SEMA3A: variants seen among roughly 807,000 people sequenced by gnomAD.
SEMA3A encodes semaphorin-3A.
In SEMA3A, 29 loss-of-function variants were observed where a neutral mutation model predicts 97.9. The ratio of observed to expected loss-of-function variants is 0.30; its 90% CI spans 0.22 to 0.40. SEMA3A has a LOEUF of 0.40. Among genes scored for constraint, SEMA3A ranks in the 10% least tolerant of loss-of-function variants. The pLI, the probability that SEMA3A is intolerant of heterozygous loss-of-function variation, is 1.00. For missense variants in SEMA3A, 763 were observed against 951.3 expected, an observed-to-expected ratio of 0.80 and a Z score of 2.60; for synonymous variants, 321 against 323.7, an observed-to-expected ratio of 0.99 and a Z score of 0.09.
At position 83,986,633 on chromosome 7, in the gene SEMA3A, G is replaced by T. The variant is rs544141994; in HGVS notation, c.1453-1156C>A. Among the ~76,000 whole-genome samples the T allele has an allele frequency of 7.9e-5, 12 of 152,196 alleles. 1 individual carries two copies. The highest frequency in any genetic ancestry group is 1.5e-4 in the Non-Finnish European group (10 of 67,988). On this transcript the variant is annotated intron_variant, in intron 12 of 16. Coordinates refer to ENST00000265362, the MANE Select transcript of SEMA3A (RefSeq NM_006080.3). Reference sequence around the variant, plus strand: ...ACAGAGACTGCTTGTGGGTTTCTGAGGGGTCTGATAAGAAAGAGGCTTAGG... The same window carrying T: ...ACAGAGACTGCTTGTGGGTTTCTGATGGGTCTGATAAGAAAGAGGCTTAGG...
chr7:84,451,897 A>G (rs1343136612), intron 1 of SEMA3A, among the ~76,000 whole-genome samples: 2 of 152,208 alleles, frequency 1.3e-5, no homozygotes, highest in African/African-American at 4.8e-5. Flanking sequence ...TCTGTAGTCT[A>G]CATAACCTTT....
intron 1 of SEMA3A, among the ~76,000 whole-genome samples, chr7:84,479,308 A>G (rs1806383279): frequency 6.6e-6 from 1 of 152,198 alleles, no homozygotes; most frequent in African/African-American, 2.4e-5. Flanking sequence ...AAAAGTCTTT[A>G]TGTCTATCAA....
intron 5 of SEMA3A, among the ~76,000 whole-genome samples, chr7:84,054,461 C>G (rs1792852880): frequency 6.6e-6 from 1 of 151,986 alleles, no homozygotes; most frequent in Non-Finnish European, 1.5e-5. Context: ...ATTTCATCTT[C>G]CATCGCTGAT....
intron 4 of SEMA3A, among the ~76,000 whole-genome samples, chr7:84,088,476 T>C (rs1794456616): frequency 6.6e-6 from 1 of 152,038 alleles, no homozygotes; most frequent in Non-Finnish European, 1.5e-5. Context: ...GAAAGTATGC[T>C]TGACAACTAT....
At chr7:84,426,856 G>A (rs1440176843) in intron 1 of SEMA3A, among the ~76,000 whole-genome samples, 4 of 152,018 alleles carry the variant, frequency 2.6e-5, no homozygotes, top group Non-Finnish European at 5.9e-5. Context: ...TCCTTTGGAA[G>A]GTGATAACTT....
intron 4 of SEMA3A, among the ~76,000 whole-genome samples, chr7:84,081,326 C>T (rs1033792853): frequency 2.6e-5 from 4 of 152,076 alleles, no homozygotes; most frequent in Non-Finnish European, 5.9e-5. Context: ...GGCGCGGTGG[C>T]TCATGCCTGT....
intron 1 of SEMA3A, among the ~76,000 whole-genome samples, chr7:84,404,582 C>A (rs190697262): frequency 0.026 from 3,973 of 152,068 alleles, 156 homozygotes; most frequent in African/African-American, 0.089. Flanking sequence ...AACTCCAAGA[C>A]ACATAATTGT....
At chr7:84,147,302 G>T (rs763107593) in intron 1 of SEMA3A, among the ~76,000 whole-genome samples, 2 of 152,168 alleles carry the variant, frequency 1.3e-5, no homozygotes, top group African/African-American at 2.4e-5. Flanking sequence ...AGCAAAATGA[G>T]TGCTTTTGGA....
chr7:84,186,755 TA>T (rs35194622), intron 1 of SEMA3A, among the ~76,000 whole-genome samples: 9,860 of 143,512 alleles, frequency 0.069, 352 homozygotes, highest in African/African-American at 0.098. Flanking sequence ...ACTACATATT[TA>T]AAAAAAAAAA....
At chr7:84,167,662 C>T (rs1231486833) in intron 1 of SEMA3A, among the ~76,000 whole-genome samples, 1 of 152,040 alleles carries the variant, frequency 6.6e-6, no homozygotes, top group Non-Finnish European at 1.5e-5. Flanking sequence ...TAAAATAAGA[C>T]AAAGGGAAAT....
At chr7:84,161,578 G>C (rs994199044) in intron 1 of SEMA3A, among the ~76,000 whole-genome samples, 1 of 152,098 alleles carries the variant, frequency 6.6e-6, no homozygotes, top group African/African-American at 2.4e-5. Context: ...TAGGTGGCTA[G>C]AAGTGATGTG....
At chr7:84,170,632 A>G (rs907262055) in intron 1 of SEMA3A, among the ~76,000 whole-genome samples, 3 of 152,048 alleles carry the variant, frequency 2.0e-5, no homozygotes, top group Admixed American at 2.0e-4. Context: ...AAAGTAATTA[A>G]CTTGTTTTAT....
chr7:84,133,024 A>T (rs568927274), intron 2 of SEMA3A, among the ~76,000 whole-genome samples: 1 of 152,196 alleles, frequency 6.6e-6, no homozygotes, highest in South Asian at 2.1e-4. Flanking sequence ...TAAAACAACA[A>T]CAAAAATCTG....
intron 1 of SEMA3A, among the ~76,000 whole-genome samples, chr7:84,395,521 C>A (rs772595920): frequency 5.3e-5 from 8 of 152,036 alleles, no homozygotes; most frequent in Non-Finnish European, 1.2e-4. Context: ...TGTGTCCCCA[C>A]CCAAATCTCA....
At chr7:84,404,492 T>C (rs62474864) in intron 1 of SEMA3A, among the ~76,000 whole-genome samples, 236 of 152,164 alleles carry the variant, frequency 1.6e-3, no homozygotes, top group African/African-American at 5.2e-3. Flanking sequence ...CCAGGAGAAC[T>C]TCCCCAATCT....
intron 2 of SEMA3A, among the ~76,000 whole-genome samples, chr7:84,317,051 C>T (rs1801523370): frequency 1.3e-5 from 2 of 152,104 alleles, no homozygotes; most frequent in South Asian, 2.1e-4. Context: ...TCCATATTAA[C>T]GTGAGATTTG....
chr7:83,963,255 C>T lies in SEMA3A; in HGVS notation c.1810G>A (p.Ala604Thr). The T allele has an allele frequency of 6.2e-7, 1 of 1,613,672 alleles. No individual in the cohort carries two copies. The highest frequency in any genetic ancestry group is 8.5e-7 in the Non-Finnish European group (1 of 1,179,996). ...FLECSPKSQR[A>T]LVYWQFQRRN... ...CTCTGGAATTGCCAATAGACCAGCGCTCTCTGCGACTTCGGACTGCATTCC... is the reference window on the plus strand; with the variant it reads ...CTCTGGAATTGCCAATAGACCAGCGTTCTCTGCGACTTCGGACTGCATTCC... Residue 604 changes from alanine (A) to threonine (T), a missense_variant, in exon 16 of 17, where the codon GCG becomes ACG. Physicochemically the swap from Ala to Thr is moderately conservative, Grantham distance 58. Coordinates refer to ENST00000265362, the MANE Select transcript of SEMA3A (RefSeq NM_006080.3).
intron 2 of SEMA3A, among the ~76,000 whole-genome samples, chr7:84,311,098 A>G (rs1338629994): frequency 6.6e-6 from 1 of 151,882 alleles, no homozygotes; most frequent in African/African-American, 2.4e-5. Context: ...AAACAATCTT[A>G]TCTTTAAACA....
At chr7:84,044,232 T>C (rs143965677) in intron 6 of SEMA3A, among the ~76,000 whole-genome samples, 17 of 152,172 alleles carry the variant, frequency 1.1e-4, no homozygotes, top group Non-Finnish European at 1.9e-4. Context: ...ATAATTTATA[T>C]TGGATATTCT....
Sources: gnomAD v4.1 joint callset for allele counts (sites outside exome capture counted in the v4.1 genomes callset) on GRCh38, gnomAD v4.1.1 for gene constraint, MANE v1.5 for transcripts, NCBI Gene and HGNC (gene_info 2026-07-23, HGNC 2026-07-21) for gene names.